The following VSTM4 variants were observed in gnomAD, a reference collection of about 807,000 sequenced individuals.
VSTM4 encodes V-set and transmembrane domain-containing protein 4.
VSTM4 carries 20 observed loss-of-function variants against 36.4 expected under a neutral mutation model. The observed-to-expected ratio is 0.55, with a 90% CI of 0.39 to 0.80. The LOEUF (loss-of-function observed/expected upper bound fraction) is 0.80, where lower values mean the gene tolerates loss of function less well. Among genes scored for constraint, VSTM4 ranks in the 30% least tolerant of loss-of-function variants. The pLI is 0.00. For missense variants in VSTM4, 392 were observed against 404.5 expected, an observed-to-expected ratio of 0.97 and a Z score of 0.26; for synonymous variants, 182 against 173.9, an observed-to-expected ratio of 1.05 and a Z score of -0.37.
intron 5 of VSTM4, chr10:49,064,333 A>G (rs1843933232): frequency 8.2e-6 from 2 of 243,724 alleles, no homozygotes; most frequent in Non-Finnish European, 7.9e-6. Flanking sequence ...AAAGCAGGGC[A>G]TACAGTAAGT....
At chr10:49,021,495 T>C (rs748279406) in intron 7 of VSTM4, among the ~76,000 whole-genome samples, 20 of 152,110 alleles carry the variant, frequency 1.3e-4, no homozygotes, top group Non-Finnish European at 2.1e-4. Flanking sequence ...TTAAAGGGAT[T>C]TGCAATTCAA....
intron 2 of VSTM4, among the ~76,000 whole-genome samples, chr10:49,096,273 G>T (rs2132013306): frequency 6.6e-6 from 1 of 152,226 alleles, no homozygotes; most frequent in East Asian, 1.9e-4. Context: ...ACACTTTGGG[G>T]TTAAACAGTC....
Position 49,102,369 on chromosome 10 carries a change from C to T in VSTM4, c.457+5225G>A, listed in dbSNP as rs745911514. ...CAGGCTGGTCTTGAACTCTTGACTTCGTGATCCACCCACCTCGGCCTCCCA... is the reference window on the plus strand; with the variant it reads ...CAGGCTGGTCTTGAACTCTTGACTTTGTGATCCACCCACCTCGGCCTCCCA... On this transcript the variant is annotated intron_variant, in intron 2 of 7. Transcript: ENST00000332853. The T allele has an allele frequency of 8.7e-5, 85 of 975,808 alleles. 1 individual carries two copies. The South Asian group carries it at 1.4e-3, about 16-fold the overall frequency. The allele number at this position is 975,808 out of a possible 1,614,324, so 60.4% of individuals were successfully genotyped here.
intron 5 of VSTM4, among the ~76,000 whole-genome samples, chr10:49,051,594 C>A (rs1412464717): frequency 2.0e-5 from 3 of 152,102 alleles, no homozygotes; most frequent in Non-Finnish European, 4.4e-5. Context: ...GGGGGTTTCA[C>A]CATGTTGGTC....
chr10:49,065,132 A>G (rs530896204), intron 4 of VSTM4, among the ~76,000 whole-genome samples: 3 of 152,296 alleles, frequency 2.0e-5, no homozygotes, highest in Non-Finnish European at 2.9e-5. Flanking sequence ...TTGAAAAATG[A>G]GTTTGAATTC....
At chr10:49,086,099 G>T in intron 2 of VSTM4, 76 bp from the exon 3 acceptor site, 2 of 942,208 alleles carry the variant, frequency 2.1e-6, no homozygotes, top group Non-Finnish European at 3.2e-6. Flanking sequence ...CATTTACAAA[G>T]CAATTTCTAC....
chr10:49,017,593 A>T lies in VSTM4; in HGVS notation c.*2057T>A, dbSNP rs1843121791. The T allele has an allele frequency of 6.6e-6, 1 of 152,234 alleles. No individual in the cohort carries two copies. The highest frequency in any genetic ancestry group is 6.5e-5 in the Admixed American group (1 of 15,276). 9.4% of individuals were successfully genotyped at this position (152,234 alleles called of 1,614,324 possible). A position where few individuals can be genotyped will look rare whatever the true frequency, so the allele number is the denominator to read the frequency against. The stretch of plus-strand genomic sequence containing the variant: ...TAACCCTAAGCTCTCTTTGGATTTA[A>T]GTGGGTGGGTTTGGGGGTGAATGAA... On this transcript the variant is annotated 3_prime_UTR_variant, in exon 8 of 8. Transcript: ENST00000332853.
intron 4 of VSTM4, among the ~76,000 whole-genome samples, chr10:49,065,181 G>A (rs975904064): frequency 6.6e-6 from 1 of 152,144 alleles, no homozygotes; most frequent in Non-Finnish European, 1.5e-5. Context: ...AGAGGCCCTC[G>A]GGAAAAGAGT....
chr10:49,048,067 T>C (rs116402231), intron 6 of VSTM4, among the ~76,000 whole-genome samples: 1,700 of 152,326 alleles, frequency 0.011, 25 homozygotes, highest in African/African-American at 0.039. Flanking sequence ...ATTTCACACC[T>C]GGTTGACATC....
chr10:49,086,024 C>A lies in VSTM4; in HGVS notation c.458-1G>T. On this transcript the variant is annotated splice_acceptor_variant, in intron 2 of 7. Transcript: ENST00000332853. LOFTEE classifies it high-confidence loss of function. ...TCTTCAGAAGCTTTGAGGGAAATGA[C>A]TGAAAGACAAAAAAGAAACAGCACA... 2 of 1,577,546 alleles carry A rather than the reference C, an allele frequency of 1.3e-6. No individual in the cohort carries two copies. The highest frequency in any genetic ancestry group is 1.7e-6 in the Non-Finnish European group (2 of 1,164,922).
At chr10:49,062,770 C>T (rs552769513) in intron 5 of VSTM4, among the ~76,000 whole-genome samples, 24 of 152,204 alleles carry the variant, frequency 1.6e-4, no homozygotes, top group Admixed American at 4.6e-4. Flanking sequence ...TCCTTGATGT[C>T]TGTTCATTTT....
At chr10:49,079,372 T>A (rs965646624) in intron 3 of VSTM4, among the ~76,000 whole-genome samples, 2 of 152,178 alleles carry the variant, frequency 1.3e-5, no homozygotes, top group African/African-American at 2.4e-5. Flanking sequence ...CCCAGCTACA[T>A]ATACTTACAT....
intron 7 of VSTM4, among the ~76,000 whole-genome samples, chr10:49,042,604 A>T (rs1284441300): frequency 3.3e-5 from 5 of 152,242 alleles, no homozygotes; most frequent in Non-Finnish European, 7.3e-5. Flanking sequence ...CCTTGGGTAC[A>T]TCACCCATCT....
At chr10:49,036,151 T>C (rs1021749411) in intron 7 of VSTM4, among the ~76,000 whole-genome samples, 8 of 152,170 alleles carry the variant, frequency 5.3e-5, no homozygotes, top group Admixed American at 5.2e-4. Flanking sequence ...ATACCTGCTC[T>C]CTCTAGACTG....
At chr10:49,022,082 A>C (rs61848153) in intron 7 of VSTM4, among the ~76,000 whole-genome samples, 23,637 of 151,942 alleles carry the variant, frequency 0.16, 2,354 homozygotes, top group Non-Finnish European at 0.23. Context: ...ATTTGTTGTT[A>C]CCTTTTGGAT....
rs918712672 is a variant in VSTM4, at chr10:49,015,658, G to C, written c.*3992C>G. ...GGTCTGGAGTGGGGTCAATGTCCCC[G>C]CCATGTGGCTGCCTCACTTTTTAAT... On this transcript the variant is annotated 3_prime_UTR_variant, in exon 8 of 8. Transcript: ENST00000332853. 2.0e-5 allele frequency: 3 copies of C among 152,116 alleles called. No homozygotes were observed. The highest frequency in any genetic ancestry group is 6.6e-5 in the Admixed American group (1 of 15,266). The allele number at this position is 152,116 out of a possible 1,614,324, so 9.4% of individuals were successfully genotyped here. A position where few individuals can be genotyped will look rare whatever the true frequency, so the allele number is the denominator to read the frequency against.
chr10:49,077,347 C>T (rs765076176), intron 3 of VSTM4, 21 bp from the exon 4 acceptor site: 3 of 1,612,442 alleles, frequency 1.9e-6, no homozygotes, highest in Non-Finnish European at 1.7e-6. Context: ...AGGACAGACA[C>T]GTGAGTCAGC....
intron 7 of VSTM4, among the ~76,000 whole-genome samples, chr10:49,039,948 TG>T (rs1241738393): frequency 6.6e-6 from 1 of 152,228 alleles, no homozygotes; most frequent in East Asian, 1.9e-4. Context: ...AAGGAAGTAA[TG>T]ACAGCTTTTC....
intron 5 of VSTM4, among the ~76,000 whole-genome samples, chr10:49,057,291 T>C (rs1283440205): frequency 6.6e-6 from 1 of 152,228 alleles, no homozygotes; most frequent in Non-Finnish European, 1.5e-5. Context: ...GTTTCATCCA[T>C]GCTCTTAGTC....
Sources: allele counts gnomAD v4.1 joint callset (sites outside exome capture counted in the v4.1 genomes callset), GRCh38; gene constraint gnomAD v4.1.1; transcripts MANE v1.5; gene names NCBI Gene and HGNC (gene_info 2026-07-23, HGNC 2026-07-21).